Variants in RNF17 observed in about 807,000 individuals in gnomAD.
RNF17 encodes ring finger protein 17.
A neutral mutation model predicts 200.5 loss-of-function variants in RNF17; 31 were observed. That is an observed-to-expected ratio of 0.15 (90% confidence interval 0.12 to 0.21). RNF17 has a LOEUF of 0.21. RNF17 is among the 10% of genes least tolerant of loss of function. The probability of loss-of-function intolerance (pLI) is 1.00; values close to 1 mark genes in which losing one functional copy is unlikely to be tolerated. For synonymous variants in RNF17, 606 were observed against 637.8 expected (o/e 0.95, Z 0.75); for missense variants, 1,628 against 1,905.1 (o/e 0.85, Z 2.71).
At chr13:24,775,298 G>C (rs975383933) in intron 3 of RNF17, among the ~76,000 whole-genome samples, 5 of 152,134 alleles carry the variant, frequency 3.3e-5, no homozygotes, top group Admixed American at 6.5e-5. Context: ...ACCCAGGCTT[G>C]AGTGCAGTGG....
At chr13:24,802,592 T>G (rs1414482402) in intron 14 of RNF17, 21 bp downstream of exon 14, 1 of 1,567,258 alleles carries the variant, frequency 6.4e-7, no homozygotes, top group Middle Eastern at 1.9e-4. Flanking sequence ...TATTAAAACT[T>G]AAATATTCTT....
intron 15 of RNF17, among the ~76,000 whole-genome samples, chr13:24,814,373 A>G (rs371626779): frequency 6.6e-6 from 1 of 152,210 alleles, no homozygotes; most frequent in East Asian, 1.9e-4. Context: ...GTTCCACAAA[A>G]GTTTTTAATT....
chr13:24,857,730 C>T (rs967152425), intron 25 of RNF17, among the ~76,000 whole-genome samples: 1 of 152,116 alleles, frequency 6.6e-6, no homozygotes, highest in Non-Finnish European at 1.5e-5. Context: ...GAGACCCCAT[C>T]GCTACAAAAC....
chr13:24,780,888 A>T (rs553543414), intron 5 of RNF17, among the ~76,000 whole-genome samples: 4 of 152,134 alleles, frequency 2.6e-5, no homozygotes, highest in Non-Finnish European at 4.4e-5. Context: ...TTTCCAAAAA[A>T]AAAAATTAAA....
At position 24,811,979 on chromosome 13, in the gene RNF17, T is replaced by C. The variant is rs560204912; in HGVS notation, c.2091+7550T>C. Among the ~76,000 whole-genome samples the C allele has an allele frequency of 4.9e-4, 75 of 152,128 alleles. No homozygotes were observed. In the South Asian group the frequency reaches 5.8e-3, roughly 12 times the overall value. On this transcript the variant is annotated intron_variant, in intron 15 of 35. Transcript: ENST00000255324. ...GGGGGTCAGGGGTCAGGGACCCACT[T>C]GAGGAGGCAGTCTGCCCATTCTCAG...
intron 16 of RNF17, among the ~76,000 whole-genome samples, chr13:24,828,235 T>C (rs1036281563): frequency 9.5e-5 from 1 of 10,484 alleles, no homozygotes; most frequent in African/African-American, 1.1e-4. Context: ...TGCATGGTGC[T>C]CATTCTACTT....
downstream of RNF17, chr13:24,883,087 T>A (rs544135785): frequency 1.7e-6 from 2 of 1,172,870 alleles, no homozygotes; most frequent in Non-Finnish European, 2.6e-6. Context: ...TCCCCACACA[T>A]ACACAATAAA....
chr13:24,787,911 T>C (rs1883333898), intron 6 of RNF17, 77 bp from the exon 7 acceptor site: 1 of 1,185,712 alleles, frequency 8.4e-7, no homozygotes, highest in Middle Eastern at 2.9e-4. Context: ...GAACTTACTC[T>C]TCAAGATACT....
chr13:24,766,089 G>A (rs990661886), intron 1 of RNF17, among the ~76,000 whole-genome samples: 37 of 152,166 alleles, frequency 2.4e-4, no homozygotes, highest in African/African-American at 8.9e-4. Flanking sequence ...AATTAGCTAG[G>A]CGTGCTGACG....
chr13:24,790,664 G>A (rs981534840), intron 9 of RNF17, among the ~76,000 whole-genome samples: 9 of 152,136 alleles, frequency 5.9e-5, no homozygotes, highest in African/African-American at 1.4e-4. Flanking sequence ...CAGTTCTGGC[G>A]GCTGAGAAGC....
At chr13:24,876,917 GTT>G in intron 33 of RNF17, 78 bp from the exon 34 acceptor site, 1 of 1,161,586 alleles carries the variant, frequency 8.6e-7, no homozygotes, top group Non-Finnish European at 1.2e-6. Context: ...GTTATGAAGC[GTT>G]TCCCCTATGT....
intron 34 of RNF17, among the ~76,000 whole-genome samples, chr13:24,878,283 A>G (rs1248095967): frequency 6.6e-6 from 1 of 152,258 alleles, no homozygotes; most frequent in Admixed American, 6.5e-5. Flanking sequence ...TGAATAGCTC[A>G]TACAGGGTTT....
intron 16 of RNF17, among the ~76,000 whole-genome samples, chr13:24,827,507 T>A (rs1888814116): frequency 6.6e-6 from 1 of 151,702 alleles, no homozygotes; most frequent in Non-Finnish European, 1.5e-5. Context: ...CTGGGTAGTT[T>A]ATAAACAATA....
chr13:24,884,369 G>A, downstream of RNF17: 1 of 1,614,148 alleles, frequency 6.2e-7, no homozygotes, highest in Non-Finnish European at 8.5e-7. Context: ...ATTAAAGAAA[G>A]TGACAGTGAT....
chr13:24,797,705 A>AGTTTGTGTGTCTCTGTGTGT (rs59493601), intron 11 of RNF17, among the ~76,000 whole-genome samples: 12 of 119,048 alleles, frequency 1.0e-4, no homozygotes, highest in Non-Finnish European at 1.2e-4. Flanking sequence ...AGAGACAAAG[A>AGTTTGTGTGTCTCTGTGTGT]GTGTGTGTGT....
chr13:24,852,863 G>A (rs1593436869), intron 24 of RNF17, among the ~76,000 whole-genome samples: 1 of 152,262 alleles, frequency 6.6e-6, no homozygotes, highest in Non-Finnish European at 1.5e-5. Flanking sequence ...GGGACTAGCA[G>A]GGTATTTGAG....
rs76971737 is a variant in RNF17, at chr13:24,869,796, C to T, written c.4279-775C>T. Among the ~76,000 whole-genome samples, 816 of 152,188 alleles carry T rather than the reference C, an allele frequency of 5.4e-3. 24 individuals carry two copies. In the East Asian group the frequency reaches 0.081, roughly 15 times the overall value. On this transcript the variant is annotated intron_variant, in intron 31 of 35. Coordinates refer to ENST00000255324, the MANE Select transcript of RNF17 (RefSeq NM_031277.3). Reference sequence around the variant, plus strand: ...TGTTTGTTTTTTGAGATAGGGGTCACGTTTTGTCATCCAGGCTGGAGAGTG... The same window carrying T: ...TGTTTGTTTTTTGAGATAGGGGTCATGTTTTGTCATCCAGGCTGGAGAGTG...
intron 10 of RNF17, among the ~76,000 whole-genome samples, chr13:24,794,714 T>G (rs1298567583): frequency 1.3e-5 from 2 of 152,030 alleles, no homozygotes; most frequent in East Asian, 1.9e-4. Context: ...GGCAGAAATA[T>G]TCCCCCCAAT....
chr13:24,886,086 C>CCAAT, the RNF17 span: 2 of 371,034 alleles, frequency 5.4e-6, no homozygotes, highest in African/African-American at 4.2e-5. Context: ...GTCCAGCACA[C>CCAAT]CAATCACATA....
Sources: gnomAD v4.1 joint callset for allele counts (sites outside exome capture counted in the v4.1 genomes callset) on GRCh38, gnomAD v4.1.1 for gene constraint, MANE v1.5 for transcripts, NCBI Gene and HGNC (gene_info 2026-07-23, HGNC 2026-07-21) for gene names.